Variants in RNGTT observed in about 807,000 individuals in gnomAD.
RNGTT encodes the protein RNA guanylyltransferase and 5'-phosphatase.
In RNGTT, 33 loss-of-function variants were observed where a neutral mutation model predicts 79.3. The observed-to-expected ratio is 0.42, with a 90% CI of 0.32 to 0.56. The LOEUF (loss-of-function observed/expected upper bound fraction) is 0.56. RNGTT is among the 20% of genes least tolerant of loss of function. The pLI is 0.17. For synonymous variants in RNGTT, 222 were observed against 235.9 expected, an observed-to-expected ratio of 0.94 and a Z score of 0.54; for missense variants, 497 against 739.1, an observed-to-expected ratio of 0.67 and a Z score of 3.80.
chr6:88,798,181 T>C (rs1427771415), intron 12 of RNGTT, among the ~76,000 whole-genome samples: 1 of 151,954 alleles, frequency 6.6e-6, no homozygotes, highest in Non-Finnish European at 1.5e-5. Flanking sequence ...ATGAGAAAAA[T>C]TGGCCGGGTA....
intron 13 of RNGTT, among the ~76,000 whole-genome samples, chr6:88,760,693 G>C (rs1778186997): frequency 6.6e-6 from 1 of 151,848 alleles, no homozygotes; most frequent in Admixed American, 6.6e-5. Flanking sequence ...ATTTCATTTT[G>C]TGAAAGAGGC....
At chr6:88,879,390 T>C (rs1177620579) in intron 8 of RNGTT, among the ~76,000 whole-genome samples, 1 of 152,158 alleles carries the variant, frequency 6.6e-6, no homozygotes, top group Non-Finnish European at 1.5e-5. Context: ...TGAGACTCCG[T>C]CTCTACATAA....
At chr6:88,817,490 T>TAAAAA (rs11354100) in intron 11 of RNGTT, among the ~76,000 whole-genome samples, 39 of 44,544 alleles carry the variant, frequency 8.8e-4, no homozygotes, top group African/African-American at 2.9e-3. Context: ...AAAAAATAAG[T>TAAAAA]AAAAAAAAAA....
intron 11 of RNGTT, among the ~76,000 whole-genome samples, chr6:88,807,947 T>A (rs987578775): frequency 2.0e-5 from 3 of 152,136 alleles, no homozygotes; most frequent in Non-Finnish European, 4.4e-5. Flanking sequence ...CAAAAATCTT[T>A]AGCAAATGAA....
At chr6:88,794,955 A>T (rs3734419) in intron 12 of RNGTT, among the ~76,000 whole-genome samples, 19,338 of 152,122 alleles carry the variant, frequency 0.13, 1,408 homozygotes, top group Middle Eastern at 0.23. Context: ...CAGAATGAGA[A>T]CAGCTGCTAC....
chr6:88,739,213 T>C (rs1777386309), intron 13 of RNGTT, among the ~76,000 whole-genome samples: 1 of 152,130 alleles, frequency 6.6e-6, no homozygotes, highest in Middle Eastern at 3.2e-3. Flanking sequence ...ATTAACAAGC[T>C]GGTAAGACAA....
rs143559265 is a variant in RNGTT, at chr6:88,797,941, CAAAAAAA to C, written c.1338+3616_1338+3622del. On this transcript the variant is annotated intron_variant, in intron 12 of 15. Coordinates refer to ENST00000369485, the MANE Select transcript of RNGTT (RefSeq NM_003800.5). ...TGTGTAGAACTGTAGAAGCAAAAGCCAAAAAAAAAAAAAAAAAAAAGAGGAAAATAAT... is the reference window on the plus strand; with the variant it reads ...TGTGTAGAACTGTAGAAGCAAAAGCCAAAAAAAAAAAAAGAGGAAAATAAT... Among the ~76,000 whole-genome samples the C allele has an allele frequency of 9.2e-3, 604 of 65,814 alleles. 7 individuals carry two copies. Among genetic ancestry groups the C allele is most frequent in the Admixed American group, 0.013 (76 of 5,662 alleles). The allele number at this position is 65,814 out of a possible 152,430, so 43.2% of individuals were successfully genotyped here.
chr6:88,853,026 T>C (rs1036654413), intron 9 of RNGTT, among the ~76,000 whole-genome samples: 7 of 152,238 alleles, frequency 4.6e-5, no homozygotes, highest in African/African-American at 1.7e-4. Flanking sequence ...TAACTATCCA[T>C]ATGTATACAT....
Position 88,963,502 on chromosome 6 carries a change from G to C in RNGTT, c.-93C>G. 2.4e-6 allele frequency: 3 copies of C among 1,244,500 alleles called. No homozygotes were observed. Among genetic ancestry groups the C allele is most frequent in the Middle Eastern group, 2.3e-4 (1 of 4,390 alleles). The allele number at this position is 1,244,500 out of a possible 1,614,324, so 77.1% of individuals were successfully genotyped here. On this transcript the variant is annotated 5_prime_UTR_variant, in exon 1 of 16. Coordinates refer to ENST00000369485, the MANE Select transcript of RNGTT (RefSeq NM_003800.5). ...TGGTCCGGTGCACACCGGGGTCCGA[G>C]ACACCCGAATCGCAGCCGTAATCTG...
intron 4 of RNGTT, among the ~76,000 whole-genome samples, chr6:88,916,795 T>C (rs910737935): frequency 2.6e-5 from 4 of 152,246 alleles, no homozygotes; most frequent in Non-Finnish European, 5.9e-5. Flanking sequence ...AGCAACTCCA[T>C]CTTGGATGCT....
At chr6:88,662,777 C>A (rs930784896) in intron 14 of RNGTT, among the ~76,000 whole-genome samples, 1 of 152,128 alleles carries the variant, frequency 6.6e-6, no homozygotes, top group Admixed American at 6.5e-5. Flanking sequence ...CAGCAGTGTG[C>A]GGCAGACCCC....
intron 8 of RNGTT, among the ~76,000 whole-genome samples, chr6:88,875,436 G>GA (rs1004946777): frequency 2.8e-4 from 42 of 151,836 alleles, no homozygotes; most frequent in African/African-American, 9.2e-4. Context: ...GACATTATCA[G>GA]AAAAAATATA....
At chr6:88,637,969 C>T (rs1157537221) in intron 14 of RNGTT, among the ~76,000 whole-genome samples, 1 of 152,002 alleles carries the variant, frequency 6.6e-6, no homozygotes, top group Non-Finnish European at 1.5e-5. Flanking sequence ...AATGAGAACC[C>T]CACCAGGTTT....
chr6:88,907,502 G>GT (rs1422909472), intron 4 of RNGTT, among the ~76,000 whole-genome samples: 2 of 152,016 alleles, frequency 1.3e-5, no homozygotes, highest in African/African-American at 2.4e-5. Flanking sequence ...CACCATGATT[G>GT]TAAGTTTTCT....
intron 14 of RNGTT, among the ~76,000 whole-genome samples, chr6:88,643,206 G>T (rs1005624911): frequency 4.0e-5 from 6 of 151,764 alleles, no homozygotes; most frequent in African/African-American, 7.3e-5. Context: ...TGTTGACCAG[G>T]TCTGAAAAAA....
chr6:88,841,124 T>C (rs1781272113), intron 11 of RNGTT, among the ~76,000 whole-genome samples: 1 of 152,184 alleles, frequency 6.6e-6, no homozygotes, highest in South Asian at 2.1e-4. Context: ...ATTAACTTTA[T>C]CTTTACCCAA....
chr6:88,642,138 T>G (rs1048648816), intron 14 of RNGTT, among the ~76,000 whole-genome samples: 2 of 152,162 alleles, frequency 1.3e-5, no homozygotes, highest in Non-Finnish European at 2.9e-5. Flanking sequence ...GGTCAAAGCT[T>G]ATGGATGTAT....
chr6:88,666,961 A>AG (rs1265729212), intron 14 of RNGTT, among the ~76,000 whole-genome samples: 1 of 152,212 alleles, frequency 6.6e-6, no homozygotes, highest in Non-Finnish European at 1.5e-5. Context: ...TATTGAACTC[A>AG]GGGGGAAAGG....
chr6:88,792,882 C>T (rs1582466867), intron 12 of RNGTT, among the ~76,000 whole-genome samples: 1 of 152,142 alleles, frequency 6.6e-6, no homozygotes, highest in East Asian at 1.9e-4. Flanking sequence ...TTGCCTCCTG[C>T]TACCCGAATG....
Sources: gnomAD v4.1 joint callset for allele counts (sites outside exome capture counted in the v4.1 genomes callset) on GRCh38, gnomAD v4.1.1 for gene constraint, MANE v1.5 for transcripts, NCBI Gene and HGNC (gene_info 2026-07-23, HGNC 2026-07-21) for gene names.